Variants in PDILT observed in about 807,000 individuals in gnomAD.
PDILT encodes protein disulfide isomerase like, testis expressed.
Under a neutral mutation model 53.7 loss-of-function variants are expected in PDILT, and 43 were observed. The ratio of observed to expected loss-of-function variants is 0.80; its 90% confidence interval spans 0.63 to 1.03. The LOEUF (loss-of-function observed/expected upper bound fraction) is 1.03, where lower values mean the gene tolerates loss of function less well. PDILT is among the 50% of genes least tolerant of loss of function. The probability of loss-of-function intolerance (pLI) is 0.00; values close to 1 mark genes in which losing one functional copy is unlikely to be tolerated. For missense variants in PDILT, 727 were observed against 712.3 expected, an observed-to-expected ratio of 1.02 and a Z score of -0.24; for synonymous variants, 282 against 274.2, an observed-to-expected ratio of 1.03 and a Z score of -0.28.
intron 2 of PDILT, among the ~76,000 whole-genome samples, chr16:20,398,120 G>A (rs961479583): frequency 6.6e-6 from 1 of 152,180 alleles, no homozygotes; most frequent in Non-Finnish European, 1.5e-5. Context: ...ATCAAATGAT[G>A]TCACATTTAA....
At chr16:20,363,467 GTATGTGTA>G (rs1009769680) in intron 9 of PDILT, among the ~76,000 whole-genome samples, 4 of 110,046 alleles carry the variant, frequency 3.6e-5, no homozygotes, top group African/African-American at 1.0e-4. Context: ...GTGTTTTTGT[GTATGTGTA>G]TGTGTGTGTG....
chr16:20,393,321 T>C (rs1312094965), intron 2 of PDILT, among the ~76,000 whole-genome samples: 1 of 152,208 alleles, frequency 6.6e-6, no homozygotes, highest in African/African-American at 2.4e-5. Context: ...GGATTTCTCT[T>C]ACAAGGTATT....
At chr16:20,387,772 C>A (rs1966559176) in intron 2 of PDILT, among the ~76,000 whole-genome samples, 1 of 152,022 alleles carries the variant, frequency 6.6e-6, no homozygotes, top group Non-Finnish European at 1.5e-5. Context: ...AGGCATGCAC[C>A]ACCAGGCCCT....
intron 2 of PDILT, among the ~76,000 whole-genome samples, chr16:20,397,022 G>A (rs1359905537): frequency 1.3e-5 from 2 of 152,208 alleles, no homozygotes; most frequent in African/African-American, 4.8e-5. Flanking sequence ...GATGATAGTG[G>A]AAGCCAACAT....
At chr16:20,388,154 AGAT>A (rs1249879678) in intron 2 of PDILT, among the ~76,000 whole-genome samples, 2 of 152,164 alleles carry the variant, frequency 1.3e-5, no homozygotes, top group African/African-American at 2.4e-5. Context: ...TTCTATGGAA[AGAT>A]GATGATGATG....
At chr16:20,362,383 T>A in intron 10 of PDILT, 21 bp downstream of exon 10, 1 of 1,612,510 alleles carries the variant, frequency 6.2e-7, no homozygotes, top group South Asian at 1.1e-5. Context: ...TTCAGCCATG[T>A]GCGTCCCAAG....
chr16:20,377,786 C>T (rs1966407303), intron 3 of PDILT, among the ~76,000 whole-genome samples: 1 of 151,996 alleles, frequency 6.6e-6, no homozygotes, highest in South Asian at 2.1e-4. Context: ...AACCCCATCT[C>T]TACTAAAAAT....
intron 8 of PDILT, 98 bp from the exon 9 acceptor site, chr16:20,365,638 G>A (rs1041598231): frequency 4.9e-5 from 71 of 1,434,672 alleles, no homozygotes; most frequent in Non-Finnish European, 3.9e-5. Flanking sequence ...GTTTTCTCGT[G>A]TTTTTTTCAC....
At chr16:20,374,544 G>C (rs1313874009) in intron 5 of PDILT, among the ~76,000 whole-genome samples, 1 of 152,202 alleles carries the variant, frequency 6.6e-6, no homozygotes, top group East Asian at 1.9e-4. Context: ...GGTAATTGCT[G>C]ATGAAGGGTA....
chr16:20,373,609 T>C (rs1966338770), intron 5 of PDILT, among the ~76,000 whole-genome samples: 1 of 152,252 alleles, frequency 6.6e-6, no homozygotes, highest in South Asian at 2.1e-4. Context: ...CATAGTGAAC[T>C]ATAACCTAAA....
chr16:20,403,046 G>A (rs909166454), intron 1 of PDILT, among the ~76,000 whole-genome samples: 3 of 152,146 alleles, frequency 2.0e-5, no homozygotes, highest in African/African-American at 7.2e-5. Flanking sequence ...TTTTATTAAT[G>A]AGAATAGCCA....
chr16:20,383,901 T>G (rs1321783046), intron 3 of PDILT, among the ~76,000 whole-genome samples: 4 of 152,214 alleles, frequency 2.6e-5, no homozygotes, highest in Non-Finnish European at 5.9e-5. Context: ...TACTAGTACC[T>G]TATTCTCCAC....
Position 20,360,630 on chromosome 16 carries a change from G to GGGTGT in PDILT, c.1439_1443dup (p.Leu482ThrfsTer3). On this transcript the variant is annotated frameshift_variant, in exon 11 of 12. Coordinates refer to ENST00000302451, the MANE Select transcript of PDILT (RefSeq NM_174924.2). LOFTEE classifies it high-confidence loss of function. ...TCCAGGAAGTCAGAGAAGCCCTTCA[G>GGGTGT]GGTGTGTTCTCCCTTATACAGGACA... The GGGTGT allele has an allele frequency of 6.2e-7, 1 of 1,614,034 alleles. No individual in the cohort carries two copies. The highest frequency in any genetic ancestry group is 8.5e-7 in the Non-Finnish European group (1 of 1,179,892).
intron 8 of PDILT, among the ~76,000 whole-genome samples, chr16:20,367,018 CTCTTTCTTCTTTCTT>C (rs1178398764): frequency 7.3e-6 from 1 of 137,202 alleles, no homozygotes; most frequent in African/African-American, 2.8e-5. Flanking sequence ...ATTTCTCTCT[CTCTTTCTTCTTTCTT>C]TCTTTCTTTC....
intron 1 of PDILT, among the ~76,000 whole-genome samples, chr16:20,403,773 C>T (rs955861590): frequency 6.6e-6 from 1 of 152,086 alleles, no homozygotes; most frequent in Non-Finnish European, 1.5e-5. Flanking sequence ...CTGACCTTAT[C>T]GCCCTCCTCT....
chr16:20,383,667 T>C (rs1466293180), intron 3 of PDILT, among the ~76,000 whole-genome samples: 2 of 152,218 alleles, frequency 1.3e-5, no homozygotes, highest in African/African-American at 2.4e-5. Context: ...ATCCAGCTTA[T>C]TGGAAGCTGG....
chr16:20,383,974 AAATG>A (rs1156940413), intron 3 of PDILT, among the ~76,000 whole-genome samples: 1 of 152,258 alleles, frequency 6.6e-6, no homozygotes, highest in Non-Finnish European at 1.5e-5. Context: ...GATGCTGAAT[AAATG>A]AATGAACGAG....
Position 20,400,067 on chromosome 16 carries a change from TA to T in PDILT, c.-7-761del, listed in dbSNP as rs1219865163. 2.5e-4 allele frequency among the ~76,000 whole-genome samples: 36 copies of T among 144,146 alleles called. 1 individual carries two copies. The highest frequency in any genetic ancestry group is 3.9e-4 in the Non-Finnish European group (26 of 67,100). The allele number at this position is 144,146 out of a possible 152,430, so 94.6% of individuals were successfully genotyped here. On this transcript the variant is annotated intron_variant, in intron 1 of 11. Coordinates refer to ENST00000302451, the MANE Select transcript of PDILT (RefSeq NM_174924.2). Reference sequence around the variant, plus strand: ...CTATCTATCTATCTATATATATATATATATATTTTTTGAGACGGAGTTTTGC... The same window carrying T: ...CTATCTATCTATCTATATATATATATTATATTTTTTGAGACGGAGTTTTGC...
intron 2 of PDILT, among the ~76,000 whole-genome samples, chr16:20,393,812 A>G (rs1242067355): frequency 3.3e-5 from 5 of 152,202 alleles, no homozygotes; most frequent in African/African-American, 1.2e-4. Context: ...CTCTGACCAC[A>G]AGGAAAAATC....
Sources: gnomAD v4.1 joint callset for allele counts (sites outside exome capture counted in the v4.1 genomes callset) on GRCh38, gnomAD v4.1.1 for gene constraint, MANE v1.5 for transcripts, NCBI Gene and HGNC (gene_info 2026-07-23, HGNC 2026-07-21) for gene names.